The following RBFOX1 variants were observed in gnomAD, a reference collection of about 807,000 sequenced individuals.
RBFOX1 encodes the protein RNA binding fox-1 homolog 1.
RBFOX1 carries 8 observed loss-of-function variants against 57.7 expected under a neutral mutation model. The observed-to-expected ratio is 0.14, with a 90% CI of 0.08 to 0.25. RBFOX1 has a LOEUF of 0.25. RBFOX1 is among the 10% of genes least tolerant of loss of function. The pLI, the probability that RBFOX1 is intolerant of heterozygous loss-of-function variation, is 1.00. For synonymous variants in RBFOX1, 326 were observed against 222.4 expected, an observed-to-expected ratio of 1.47 and a Z score of -4.15; for missense variants, 611 against 548.5, an observed-to-expected ratio of 1.11 and a Z score of -1.14.
At chr16:6,861,641 A>G (rs1164524933) in intron 3 of RBFOX1, among the ~76,000 whole-genome samples, 2 of 152,052 alleles carry the variant, frequency 1.3e-5, no homozygotes, top group Non-Finnish European at 2.9e-5. Context: ...ATGTTGCAAT[A>G]TTACAGACTT....
intron 4 of RBFOX1, among the ~76,000 whole-genome samples, chr16:7,420,803 C>G (rs2098533719): frequency 6.7e-6 from 1 of 150,096 alleles, no homozygotes; most frequent in Non-Finnish European, 1.5e-5. Flanking sequence ...TCTCTATAGC[C>G]TGTGGTACTG....
chr16:5,731,331 A>C (rs990895854), intron 3 of RBFOX1, among the ~76,000 whole-genome samples: 3 of 152,218 alleles, frequency 2.0e-5, no homozygotes, highest in Non-Finnish European at 2.9e-5. Flanking sequence ...TATCACCACC[A>C]CTACTGTAAT....
intron 5 of RBFOX1, among the ~76,000 whole-genome samples, chr16:7,550,979 A>C (rs964475152): frequency 6.6e-6 from 1 of 151,434 alleles, no homozygotes; most frequent in Non-Finnish European, 1.5e-5. Flanking sequence ...CTGTAATCCC[A>C]GCTACTCAGG....
rs34858401 is a variant in RBFOX1 at position 5,567,635 on chromosome 16, C to CAAAAAAAAAAAAA, written c.259-31256_259-31244dup. Among the ~76,000 whole-genome samples the CAAAAAAAAAAAAA allele has an allele frequency of 3.2e-5, 2 of 63,160 alleles. 1 individual carries two copies. The highest frequency in any genetic ancestry group is 1.3e-4 in the African/African-American group (2 of 15,478). 41.4% of individuals were successfully genotyped at this position (63,160 alleles called of 152,430 possible). On this transcript the variant is annotated intron_variant, in intron 2 of 2. Transcript: ENST00000585867. ...AGTGGGGGGGTATTCAGGTTATAGG[C>CAAAAAAAAAAAAA]AAAAAAAAAAAAAAAAAAAAAAAGC...
intron 3 of RBFOX1, among the ~76,000 whole-genome samples, chr16:6,985,790 T>A (rs185677978): frequency 7.3e-6 from 1 of 137,272 alleles, no homozygotes; most frequent in Admixed American, 7.7e-5. Flanking sequence ...GCTTAGTTGG[T>A]GCTACTGCAC....
intron 3 of RBFOX1, among the ~76,000 whole-genome samples, chr16:6,837,617 A>C (rs1037152300): frequency 6.6e-6 from 1 of 152,214 alleles, no homozygotes; most frequent in Non-Finnish European, 1.5e-5. Context: ...AATCTTGGGC[A>C]AGTCGCTCAA....
chr16:5,660,281 C>A (rs2049602362), intron 3 of RBFOX1, among the ~76,000 whole-genome samples: 1 of 152,118 alleles, frequency 6.6e-6, no homozygotes, highest in Non-Finnish European at 1.5e-5. Flanking sequence ...GGTGCAAACC[C>A]TAGATCCCTG....
At chr16:6,386,251 G>C (rs918720159) in intron 2 of RBFOX1, among the ~76,000 whole-genome samples, 1 of 152,214 alleles carries the variant, frequency 6.6e-6, no homozygotes, top group Admixed American at 6.5e-5. Flanking sequence ...CTGCTGTCCT[G>C]TTGTCATGAT....
chr16:6,962,135 T>C (rs9930092), intron 3 of RBFOX1, among the ~76,000 whole-genome samples: 98,479 of 151,948 alleles, frequency 0.65, 32,073 homozygotes, highest in African/African-American at 0.7. Flanking sequence ...TCCTCTGAAG[T>C]CTTGATAGGA....
At chr16:6,364,184 C>A (rs1263723935) in intron 2 of RBFOX1, among the ~76,000 whole-genome samples, 1 of 152,186 alleles carries the variant, frequency 6.6e-6, no homozygotes. Flanking sequence ...AAAATAGGAC[C>A]TTTTTCAAAT....
rs549719585 is a variant in RBFOX1 at position 5,859,095 on chromosome 16, C to T, written c.319-8208C>T. Among the ~76,000 whole-genome samples, 161 of 152,264 alleles carry T rather than the reference C, an allele frequency of 1.1e-3. 1 individual carries two copies. The highest frequency in any genetic ancestry group is 3.6e-3 in the African/African-American group (148 of 41,552). The stretch of plus-strand genomic sequence containing the variant: ...TTGTGGGTGCCTGTGGTCCCAGCTA[C>T]TTGGGAGACTGAGGCATAAGAATTG... On this transcript the variant is annotated intron_variant, in intron 3 of 19. Coordinates refer to the RBFOX1 transcript ENST00000641259.
At chr16:7,448,927 G>GTTTTT (rs71147700) in intron 4 of RBFOX1, among the ~76,000 whole-genome samples, 55,934 of 83,596 alleles carry the variant, frequency 0.67, 19,069 homozygotes, top group East Asian at 0.82. Flanking sequence ...TCTTTCCCCT[G>GTTTTT]TTTTTTTTTT....
intron 2 of RBFOX1, among the ~76,000 whole-genome samples, chr16:5,579,308 C>T (rs1269841254): frequency 6.6e-6 from 1 of 152,138 alleles, no homozygotes; most frequent in African/African-American, 2.4e-5. Context: ...CGTCACTCCC[C>T]ACCCACCTTC....
intron 1 of RBFOX1, among the ~76,000 whole-genome samples, chr16:6,260,559 A>T (rs574286915): frequency 1.8e-4 from 27 of 152,286 alleles, no homozygotes; most frequent in Admixed American, 3.3e-4. Flanking sequence ...AAATATCTGT[A>T]TTAAGATATA....
intron 4 of RBFOX1, among the ~76,000 whole-genome samples, chr16:7,392,140 C>T (rs2098040103): frequency 6.6e-6 from 1 of 152,164 alleles, no homozygotes; most frequent in Admixed American, 6.5e-5. Context: ...CACGCTTTTC[C>T]TCCATCAAAA....
At chr16:5,752,937 C>T (rs933112813) in intron 3 of RBFOX1, among the ~76,000 whole-genome samples, 1 of 152,100 alleles carries the variant, frequency 6.6e-6, no homozygotes, top group Non-Finnish European at 1.5e-5. Context: ...TCGCTTGAGC[C>T]TAGGAGTTCA....
intron 3 of RBFOX1, among the ~76,000 whole-genome samples, chr16:6,673,838 G>A (rs2098783586): frequency 6.6e-6 from 1 of 152,144 alleles, no homozygotes; most frequent in Non-Finnish European, 1.5e-5. Context: ...CCAAGACAGT[G>A]CTAGAGAGAA....
chr16:6,909,015 T>C (rs1346347105), intron 3 of RBFOX1, among the ~76,000 whole-genome samples: 1 of 152,192 alleles, frequency 6.6e-6, no homozygotes, highest in Non-Finnish European at 1.5e-5. Context: ...CTTCCATTTC[T>C]GTAGGAGGTT....
In RBFOX1 at chr16:7,309,651, C is replaced by A. The variant is rs193262257; in HGVS notation, c.28-208496C>A. ...TTTTAGGGTTTTCTGATTCATTTAA[C>A]CAGGTTCTCTGCCCCAAGAGGAAAC... is the stretch of plus-strand genomic sequence containing the variant. On this transcript the variant is annotated intron_variant, in intron 4 of 15. Coordinates refer to ENST00000550418, the MANE Select transcript of RBFOX1 (RefSeq NM_018723.4). 1.5e-4 allele frequency among the ~76,000 whole-genome samples: 23 copies of A among 152,262 alleles called. No homozygotes were observed. The East Asian group carries it at 2.5e-3, about 17-fold the overall frequency.
Sources: allele counts gnomAD v4.1 joint callset (sites outside exome capture counted in the v4.1 genomes callset), GRCh38; gene constraint gnomAD v4.1.1; transcripts MANE v1.5; gene names NCBI Gene and HGNC (gene_info 2026-07-23, HGNC 2026-07-21).